Variants in POLI observed in about 807,000 individuals in gnomAD.
POLI encodes RAD30 homolog B.
A neutral mutation model predicts 51.6 loss-of-function variants in POLI; 58 were observed. That is an observed-to-expected ratio of 1.12 (90% CI 0.91 to 1.40). The LOEUF is 1.40. Ranked by LOEUF, POLI falls within the 40% of genes most tolerant of loss-of-function variation. The probability of loss-of-function intolerance (pLI) is 0.00; values close to 1 mark genes in which losing one functional copy is unlikely to be tolerated. For synonymous variants in POLI, 322 were observed against 299.7 expected (o/e 1.07, Z -0.77); for missense variants, 921 against 871.3 (o/e 1.06, Z -0.72).
intron 8 of POLI, among the ~76,000 whole-genome samples, chr18:54,289,464 T>C (rs1021887769): frequency 6.6e-6 from 1 of 151,996 alleles, no homozygotes; most frequent in African/African-American, 2.4e-5. Flanking sequence ...CTTCACAGAA[T>C]TGGAAAAAAA....
chr18:54,285,744 AAC>A lies in POLI; in HGVS notation c.1068-1534_1068-1533del, dbSNP rs3730760. 4.2e-3 allele frequency among the ~76,000 whole-genome samples: 633 copies of A among 152,316 alleles called. 9 individuals are homozygous for A. Among genetic ancestry groups the A allele is most frequent in the African/African-American group, 0.015 (618 of 41,566 alleles). ...ACTCTTTGAATTGCATAATTAATAT[AAC>A]ACGTTTAACTGGAAGATATTTAAAC... is the stretch of plus-strand genomic sequence containing the variant. On this transcript the variant is annotated intron_variant, in intron 7 of 9. Transcript: ENST00000579534.
At chr18:54,278,684 C>A (rs1003282658) in intron 4 of POLI, among the ~76,000 whole-genome samples, 1 of 152,212 alleles carries the variant, frequency 6.6e-6, no homozygotes, top group East Asian at 1.9e-4. Context: ...ATATGAATGA[C>A]TGATGGTGTT....
intron 3 of POLI, among the ~76,000 whole-genome samples, chr18:54,304,769 G>C (rs2088553059): frequency 6.6e-6 from 1 of 152,112 alleles, no homozygotes. Context: ...AGTTTAATTA[G>C]ATCCCATTTG....
chr18:54,276,799 C>G (rs546471404), intron 3 of POLI, among the ~76,000 whole-genome samples: 3 of 152,110 alleles, frequency 2.0e-5, no homozygotes, highest in African/African-American at 7.2e-5. Context: ...CAAAAAAGCA[C>G]CTTTGGTGTT....
At chr18:54,282,755 T>C (rs1318891908) in intron 5 of POLI, 82 bp from the exon 6 acceptor site, 3 of 742,726 alleles carry the variant, frequency 4.0e-6, no homozygotes, top group East Asian at 2.7e-5. Context: ...AAAGATAAGA[T>C]TGATATATTT....
At chr18:54,292,102 T>C in intron 9 of POLI, 64 bp downstream of exon 9, 1 of 975,098 alleles carries the variant, frequency 1.0e-6, no homozygotes, top group Non-Finnish European at 1.6e-6. Flanking sequence ...GTGGTTACAT[T>C]ACAAATCTAA....
intron 3 of POLI, 97 bp from the exon 4 acceptor site, chr18:54,277,606 T>A: frequency 1.1e-5 from 8 of 728,208 alleles, no homozygotes; most frequent in Non-Finnish European, 1.8e-5. Context: ...ATAAAACCTT[T>A]AACAATAAAT....
At position 54,283,924 on chromosome 18, in the gene POLI, C is replaced by A; in HGVS notation, c.978C>A (p.Ser326=). The part of the protein sequence containing the change: ...SPVILSGPPQ[S]FSEEDSFKKC... ...CCTTATTTATGCTTCTTTGATAGTC[C>A]TTTAGTGAAGAAGATTCATTTAAAA... Residue 326 remains serine, a splice_region_variant and synonymous_variant, in exon 7 of 10, where the codon TCC becomes TCA. Transcript: ENST00000579534. 6 of 1,221,532 alleles carry A rather than the reference C, an allele frequency of 4.9e-6. No homozygotes were observed. In the Admixed American group the frequency reaches 9.6e-5, roughly 20 times the overall value. The allele number at this position is 1,221,532 out of a possible 1,614,324, so 75.7% of individuals were successfully genotyped here. A position where few individuals can be genotyped will look rare whatever the true frequency, so the allele number is the denominator to read the frequency against.
At chr18:54,291,415 C>T (rs952635441) in intron 8 of POLI, 1 of 153,700 alleles carries the variant, frequency 6.5e-6, no homozygotes, top group African/African-American at 2.4e-5. Flanking sequence ...CACCCTGTAC[C>T]AACTGAGCTA....
intron 8 of POLI, among the ~76,000 whole-genome samples, chr18:54,288,313 G>C (rs890248469): frequency 2.0e-5 from 3 of 152,254 alleles, no homozygotes; most frequent in African/African-American, 7.2e-5. Context: ...AAAGGTCACA[G>C]ATATTTTTTT....
At position 54,269,673 on chromosome 18, in the gene POLI, C is replaced by T. The variant is rs2086913094; in HGVS notation, c.115+12C>T. The T allele has an allele frequency of 1.3e-6, 2 of 1,499,856 alleles. No individual in the cohort carries two copies. Among genetic ancestry groups the T allele is most frequent in the East Asian group, 2.8e-5 (1 of 35,388 alleles). 92.9% of individuals were successfully genotyped at this position (1,499,856 alleles called of 1,614,324 possible). A position where few individuals can be genotyped will look rare whatever the true frequency, so the allele number is the denominator to read the frequency against. ...AGCCAGCTCGCAGGGTGCGCCGCAG[C>T]CAGAGGAGCCAGCGGCCTCCTTGGG... On this transcript the variant is annotated intron_variant, in intron 1 of 9. Coordinates refer to ENST00000579534, the MANE Select transcript of POLI (RefSeq NM_007195.3).
At chr18:54,282,511 C>T (rs1242569219) in intron 5 of POLI, among the ~76,000 whole-genome samples, 2 of 152,048 alleles carry the variant, frequency 1.3e-5, no homozygotes, top group African/African-American at 4.8e-5. Context: ...AGGCAGAGAC[C>T]ACATTCACAT....
At chr18:54,274,124 ATTTTTATGTAGGATGCCTG>A in intron 3 of POLI, 34 bp downstream of exon 3, 1 of 1,156,742 alleles carries the variant, frequency 8.6e-7, no homozygotes, top group Non-Finnish European at 1.1e-6. Context: ...TTTAGCATTA[ATTTTTATGTAGGATGCCTG>A]TTCATTACAT....
intron 3 of POLI, among the ~76,000 whole-genome samples, chr18:54,316,155 T>G (rs1345051746): frequency 6.6e-6 from 1 of 152,164 alleles, no homozygotes; most frequent in African/African-American, 2.4e-5. Flanking sequence ...GCTCAAGTGA[T>G]CTTCCTGCCT....
At chr18:54,313,227 T>G (rs940984307) in intron 3 of POLI, among the ~76,000 whole-genome samples, 1 of 152,224 alleles carries the variant, frequency 6.6e-6, no homozygotes, top group Non-Finnish European at 1.5e-5. Flanking sequence ...ATTGCTTACA[T>G]TTATCAACTT....
In POLI at chr18:54,292,016, C is replaced by G; in HGVS notation, c.1382C>G (p.Ser461Ter). 2 of 1,605,392 alleles carry G rather than the reference C, an allele frequency of 1.2e-6. No homozygotes were observed. The highest frequency in any genetic ancestry group is 2.2e-5 in the South Asian group (2 of 90,412). ...TTAATGCCATCATTATCAACTACTT[C>G]ACGCTCTGGCAAGCACAGTTTTGTA... Reference protein sequence around the residue: ...YYLMPSLSTTSRSGKHSFKMK... With the variant: ...YYLMPSLSTT The change falls in exon 9 of 10, where the codon TCA becomes TGA. Residue 461 changes from serine to a stop codon, truncating the protein, a stop_gained. Transcript: ENST00000579534. LOFTEE classifies it low-confidence loss of function (END_TRUNC).
intron 3 of POLI, among the ~76,000 whole-genome samples, chr18:54,303,280 C>T (rs2088523735): frequency 6.6e-6 from 1 of 152,112 alleles, no homozygotes. Flanking sequence ...GCCTAAACTA[C>T]CTAGATTGTT....
chr18:54,300,666 A>G (rs1333192540), downstream of POLI, among the ~76,000 whole-genome samples: 1 of 152,200 alleles, frequency 6.6e-6, no homozygotes. Flanking sequence ...TAAAGGGCAG[A>G]GATTATCAGA....
In POLI at chr18:54,269,608, C is replaced by G; in HGVS notation, c.62C>G (p.Ala21Gly). The G allele has an allele frequency of 1.3e-6, 2 of 1,504,800 alleles. No individual in the cohort carries two copies. The highest frequency in any genetic ancestry group is 1.8e-6 in the Non-Finnish European group (2 of 1,130,934). The allele number at this position is 1,504,800 out of a possible 1,614,324, so 93.2% of individuals were successfully genotyped here. A position where few individuals can be genotyped will look rare whatever the true frequency, so the allele number is the denominator to read the frequency against. Reference sequence around the variant, plus strand: ...GGCGGCGACGACGACGAGGAAGACGCCGAGGCCTGGGCCATGGAACTGGCG... The same window carrying G: ...GGCGGCGACGACGACGAGGAAGACGGCGAGGCCTGGGCCATGGAACTGGCG... ...EGGGDDDEED[A>G]EAWAMELADV... The change falls in exon 1 of 10, where the codon GCC (alanine) becomes GGC (glycine). Residue 21 changes from alanine to glycine, a missense_variant. Physicochemically the swap from Ala to Gly is moderately conservative, Grantham distance 60 (BLOSUM62 0). Transcript: ENST00000579534.
Sources: gnomAD v4.1 joint callset for allele counts (sites outside exome capture counted in the v4.1 genomes callset) on GRCh38, gnomAD v4.1.1 for gene constraint, MANE v1.5 for transcripts, NCBI Gene and HGNC (gene_info 2026-07-23, HGNC 2026-07-21) for gene names.